RAPGEF5: variants seen among roughly 807,000 people sequenced by gnomAD.
The protein encoded by RAPGEF5 is M-Ras-regulated GEF.
RAPGEF5 carries 65 observed loss-of-function variants against 125.2 expected under a neutral mutation model. That is an observed-to-expected ratio of 0.52 (90% confidence interval 0.43 to 0.64). The LOEUF (loss-of-function observed/expected upper bound fraction) is 0.64. Ranked by LOEUF, RAPGEF5 falls within the 30% of genes least tolerant of loss-of-function variation. The pLI is 0.00. For missense variants in RAPGEF5, 958 were observed against 1,048.1 expected (o/e 0.91, Z 1.19); for synonymous variants, 391 against 385.9 (o/e 1.01, Z -0.16).
chr7:22,219,729 G>A (rs957588899), intron 9 of RAPGEF5, 137 bp downstream of exon 9: 78 of 1,189,568 alleles, frequency 6.6e-5, no homozygotes, highest in Non-Finnish European at 7.8e-5. Context: ...TTTTACTAAG[G>A]AGGATGCTCT....
intron 1 of RAPGEF5, among the ~76,000 whole-genome samples, chr7:22,322,060 C>T (rs1783724526): frequency 6.6e-6 from 1 of 152,082 alleles, no homozygotes; most frequent in African/African-American, 2.4e-5. Flanking sequence ...ACATGCTGCA[C>T]ATTATTAAGT....
At chr7:22,168,234 G>A (rs1341549267) in intron 11 of RAPGEF5, among the ~76,000 whole-genome samples, 1 of 152,154 alleles carries the variant, frequency 6.6e-6, no homozygotes, top group Non-Finnish European at 1.5e-5. Context: ...ATAAGGCCAT[G>A]AGGGTGGAGC....
At chr7:22,314,126 T>C (rs574591157) in intron 3 of RAPGEF5, among the ~76,000 whole-genome samples, 2 of 152,342 alleles carry the variant, frequency 1.3e-5, no homozygotes, top group South Asian at 4.1e-4. Context: ...AAGTGTTAAT[T>C]CACTGGGGTT....
At chr7:22,300,104 T>C (rs746268661) in intron 5 of RAPGEF5, among the ~76,000 whole-genome samples, 1 of 152,138 alleles carries the variant, frequency 6.6e-6, no homozygotes, top group Non-Finnish European at 1.5e-5. Context: ...GATGCCAACA[T>C]GTGTTAGACT....
In RAPGEF5 at chr7:22,293,848, G is replaced by A. The variant is rs572349993; in HGVS notation, c.681-2607C>T. ...CCACTCTCCTTTCTTTCACCACTAC[G>A]GTCACTTTTTACCTTAAACCTCCTC... On this transcript the variant is annotated intron_variant, in intron 5 of 25. Transcript: ENST00000665637. Among the ~76,000 whole-genome samples, 143 of 152,196 alleles carry A rather than the reference G, an allele frequency of 9.4e-4. 3 individuals carry two copies. In the South Asian group the frequency reaches 0.028, roughly 29 times the overall value.
chr7:22,287,474 T>C (rs1562509367), intron 6 of RAPGEF5, among the ~76,000 whole-genome samples: 1 of 152,162 alleles, frequency 6.6e-6, no homozygotes, highest in South Asian at 2.1e-4. Flanking sequence ...TTTTCTAAGA[T>C]AGTCACATGC....
At chr7:22,325,396 C>A (rs909896494) in intron 1 of RAPGEF5, among the ~76,000 whole-genome samples, 4 of 152,120 alleles carry the variant, frequency 2.6e-5, no homozygotes, top group African/African-American at 9.7e-5. Context: ...GATATTACCA[C>A]CTCAAAAGCT....
chr7:22,223,015 T>C (rs764556868), intron 8 of RAPGEF5, among the ~76,000 whole-genome samples: 8 of 152,124 alleles, frequency 5.3e-5, no homozygotes, highest in Non-Finnish European at 1.0e-4. Flanking sequence ...AAAATGGCTA[T>C]TGACATCCAA....
rs1295674772 is a variant in RAPGEF5, at chr7:22,167,070, T to C, written c.1283A>G (p.His428Arg). 1.2e-6 allele frequency: 2 copies of C among 1,607,500 alleles called. No individual in the cohort carries two copies. The highest frequency in any genetic ancestry group is 1.3e-5 in the African/African-American group (1 of 74,750). The change falls in exon 12 of 26, where the codon CAC (histidine) becomes CGC (arginine). Residue 428 changes from histidine (H) to arginine (R), a missense_variant and splice_region_variant. His to Arg is a conservative substitution (Grantham distance 29). Transcript: ENST00000665637. Reference sequence around the variant, plus strand: ...GCAGCCTGAAGATAATGAAGGATATTGCCTTAACAGAGCCTGGCACAAGTC... The same window carrying C: ...GCAGCCTGAAGATAATGAAGGATATCGCCTTAACAGAGCCTGGCACAAGTC... ...TDDLCQALLR[H>R]YSAKKYQGKE...
intron 1 of RAPGEF5, among the ~76,000 whole-genome samples, chr7:22,332,059 C>A (rs1783933293): frequency 6.6e-6 from 1 of 152,050 alleles, no homozygotes; most frequent in South Asian, 2.1e-4. Flanking sequence ...TAACTGTACA[C>A]TGAAAAATGG....
At chr7:22,227,797 G>A (rs990540338) in intron 8 of RAPGEF5, among the ~76,000 whole-genome samples, 18 of 152,202 alleles carry the variant, frequency 1.2e-4, no homozygotes, top group African/African-American at 3.4e-4. Context: ...AGCCATGATC[G>A]TGCCACTGCA....
chr7:22,197,202 TG>T (rs1310116995), intron 9 of RAPGEF5, among the ~76,000 whole-genome samples: 1 of 152,214 alleles, frequency 6.6e-6, no homozygotes, highest in Admixed American at 6.5e-5. Context: ...GGGGAAAATG[TG>T]TTAAACTGTG....
intron 1 of RAPGEF5, 117 bp from the exon 2 acceptor site, chr7:22,318,154 ATGAGCTT>A: frequency 2.1e-6 from 2 of 968,212 alleles, no homozygotes; most frequent in Non-Finnish European, 3.0e-6. Flanking sequence ...AAAAAAAAAA[ATGAGCTT>A]AAATCTCAAA....
chr7:22,194,546 G>A (rs868361950), intron 9 of RAPGEF5: 22 of 949,974 alleles, frequency 2.3e-5, no homozygotes, highest in African/African-American at 2.0e-4. Context: ...TTTAAAAGGC[G>A]GCAAGAAAAA....
chr7:22,233,614 G>A (rs1786114292), intron 7 of RAPGEF5, among the ~76,000 whole-genome samples: 1 of 152,092 alleles, frequency 6.6e-6, no homozygotes, highest in South Asian at 2.1e-4. Context: ...CTCACTGCAT[G>A]CTGGACTTCT....
chr7:22,186,346 G>C (rs1784826158), intron 11 of RAPGEF5, among the ~76,000 whole-genome samples: 1 of 152,062 alleles, frequency 6.6e-6, no homozygotes, highest in Non-Finnish European at 1.5e-5. Flanking sequence ...TATTTCTTTT[G>C]ATTCTGAACT....
intron 8 of RAPGEF5, among the ~76,000 whole-genome samples, chr7:22,227,415 A>G (rs1348461226): frequency 2.0e-5 from 3 of 152,220 alleles, no homozygotes; most frequent in African/African-American, 7.2e-5. Context: ...TTGTATAACA[A>G]ATAATTATTA....
intron 1 of RAPGEF5, among the ~76,000 whole-genome samples, chr7:22,333,911 A>G (rs755242542): frequency 6.6e-5 from 10 of 152,184 alleles, no homozygotes; most frequent in Non-Finnish European, 1.5e-4. Flanking sequence ...ATGGCTTGAC[A>G]TGGCTCGTGC....
At chr7:22,251,969 T>C (rs2128138486) in intron 7 of RAPGEF5, among the ~76,000 whole-genome samples, 1 of 152,064 alleles carries the variant, frequency 6.6e-6, no homozygotes, top group East Asian at 1.9e-4. Flanking sequence ...AGAACTAATA[T>C]TGGATTTATG....
Sources: allele counts gnomAD v4.1 joint callset (sites outside exome capture counted in the v4.1 genomes callset), GRCh38; gene constraint gnomAD v4.1.1; transcripts MANE v1.5; gene names NCBI Gene and HGNC (gene_info 2026-07-23, HGNC 2026-07-21).